The following MRPL2 variants were observed in gnomAD, a reference collection of about 807,000 sequenced individuals.
MRPL2 encodes the protein mitochondrial ribosomal protein L2, also known as large ribosomal subunit protein uL2m.
A neutral mutation model predicts 34.6 loss-of-function variants in MRPL2; 27 were observed. That is an observed-to-expected ratio of 0.78 (90% CI 0.58 to 1.08). MRPL2 has a LOEUF of 1.08. Ranked by LOEUF, MRPL2 falls within the 50% of genes least tolerant of loss-of-function variation. MRPL2 has a pLI of 0.00. For synonymous variants in MRPL2, 155 were observed against 158.0 expected (o/e 0.98, Z 0.14); for missense variants, 414 against 419.3 (o/e 0.99, Z 0.11).
Position 43,056,299 on chromosome 6 carries a change from A to T in MRPL2, c.404+8T>A. The T allele has an allele frequency of 6.2e-7, 1 of 1,614,180 alleles. No individual in the cohort carries two copies. The highest frequency in any genetic ancestry group is 8.5e-7 in the Non-Finnish European group (1 of 1,180,038). On this transcript the variant is annotated splice_region_variant and intron_variant, in intron 3 of 6. Transcript: ENST00000388752. ...CCATTCCATCATCATCCCACATCCC[A>T]AACTTGCCTACAGGGATCATAGCGG...
rs563469143 is a variant in MRPL2 at position 43,056,035 on chromosome 6, G to T, written c.521-28C>A. The T allele has an allele frequency of 1.9e-4, 311 of 1,614,116 alleles. 1 individual carries two copies. Among genetic ancestry groups the T allele is most frequent in the South Asian group, 1.3e-3 (119 of 91,070 alleles). ...AAAAGACAGGATTTCATTAGCTCTAGAACTTTTGCTGCCTCCAGCCCACAC... is the reference window on the plus strand; with the variant it reads ...AAAAGACAGGATTTCATTAGCTCTATAACTTTTGCTGCCTCCAGCCCACAC... On this transcript the variant is annotated intron_variant, in intron 4 of 6. Coordinates refer to ENST00000388752, the MANE Select transcript of MRPL2 (RefSeq NM_015950.5).
chr6:43,057,876 A>C (rs1764929133), intron 2 of MRPL2, 189 bp downstream of exon 2: 2 of 570,022 alleles, frequency 3.5e-6, no homozygotes, highest in African/African-American at 1.9e-5. Flanking sequence ...AGAAGCATAG[A>C]CCAATTACCT....
At chr6:43,059,179 C>G (rs765788327) in intron 1 of MRPL2, 107 bp downstream of exon 1, 42 of 1,550,504 alleles carry the variant, frequency 2.7e-5, no homozygotes, top group Non-Finnish European at 3.7e-5. Context: ...AGGTCACGGA[C>G]CTGCATGACT....
intron 6 of MRPL2, 34 bp from the exon 7 acceptor site, chr6:43,054,520 T>C (rs1005596433): frequency 6.3e-6 from 10 of 1,585,882 alleles, no homozygotes; most frequent in East Asian, 2.2e-5. Context: ...TTCTGTACAA[T>C]GGGGGGGAAA....
At chr6:43,054,676 G>A (rs1390645983) in intron 6 of MRPL2, among the ~76,000 whole-genome samples, 190 bp from the exon 7 acceptor site, 3 of 152,210 alleles carry the variant, frequency 2.0e-5, no homozygotes, top group Admixed American at 1.3e-4. Flanking sequence ...AAGAGCTCAC[G>A]CCAGTAATCC....
chr6:43,054,233 TA>T lies in MRPL2; in HGVS notation c.*40del, dbSNP rs748053477. 44 of 1,240,116 alleles carry T rather than the reference TA, an allele frequency of 3.5e-5. 1 individual carries two copies. The South Asian group carries it at 4.7e-4, about 13-fold the overall frequency. The allele number at this position is 1,240,116 out of a possible 1,614,324, so 76.8% of individuals were successfully genotyped here. On this transcript the variant is annotated 3_prime_UTR_variant, in exon 7 of 7. Transcript: ENST00000388752. ...CCAAAACAAAACCACAGTAACAGAT[TA>T]AAACGGGGGGGGGGGGCATTTTATT...
chr6:43,055,787 A>G (rs1764854817), intron 5 of MRPL2, 110 bp downstream of exon 5: 6 of 1,261,874 alleles, frequency 4.8e-6, no homozygotes, highest in Middle Eastern at 2.2e-4. Context: ...CTTCATCCTC[A>G]TGTTTGTTTT....
intron 1 of MRPL2, 67 bp from the exon 2 acceptor site, chr6:43,058,300 C>T: frequency 6.7e-7 from 1 of 1,493,544 alleles, no homozygotes; most frequent in Non-Finnish European, 9.2e-7. Flanking sequence ...AGAACCAAGG[C>T]AGAGGGCACA....
At chr6:43,059,839 G>A (rs1199560416), upstream of MRPL2, 2 of 1,165,602 alleles carry the variant, frequency 1.7e-6, no homozygotes, top group East Asian at 5.0e-5. Flanking sequence ...CCGCCCCTCG[G>A]CGTCCAGACA....
chr6:43,055,643 C>A, intron 5 of MRPL2, 25 bp from the exon 6 acceptor site: 1 of 1,613,636 alleles, frequency 6.2e-7, no homozygotes, highest in Non-Finnish European at 8.5e-7. Context: ...TGATTTGCCA[C>A]CCTCCACAAA....
chr6:43,059,235 T>A, intron 1 of MRPL2, 51 bp downstream of exon 1: 1 of 1,550,922 alleles, frequency 6.4e-7, no homozygotes, highest in Non-Finnish European at 8.7e-7. Context: ...GCAGACCCCA[T>A]CTCCGGCAGC....
Position 43,054,172 on chromosome 6 carries a change from C to CA in MRPL2, c.*101dup, listed in dbSNP as rs58180132. 86,302 of 621,926 alleles carry CA rather than the reference C, an allele frequency of 0.14. 2,396 individuals are homozygous for CA. The highest frequency in any genetic ancestry group is 0.38 in the African/African-American group (16,736 of 44,252). 38.5% of individuals were successfully genotyped at this position (621,926 alleles called of 1,614,324 possible). ...TTAGTCTGTACCATCCCCTCCCCCG[C>CA]AAAAAAAAAACAACAACAAAAAAAA... On this transcript the variant is annotated 3_prime_UTR_variant, in exon 7 of 7. Coordinates refer to ENST00000388752, the MANE Select transcript of MRPL2 (RefSeq NM_015950.5).
chr6:43,054,237 ACG>A lies in MRPL2; in HGVS notation c.*35_*36del. 2 of 1,225,040 alleles carry A rather than the reference ACG, an allele frequency of 1.6e-6. No individual in the cohort carries two copies. Among genetic ancestry groups the A allele is most frequent in the Middle Eastern group, 2.4e-4 (1 of 4,168 alleles). The allele number at this position is 1,225,040 out of a possible 1,614,324, so 75.9% of individuals were successfully genotyped here. A position where few individuals can be genotyped will look rare whatever the true frequency, so the allele number is the denominator to read the frequency against. ...AACAAAACCACAGTAACAGATTAAA[ACG>A]GGGGGGGGGGGCATTTTATTAGAGT... On this transcript the variant is annotated 3_prime_UTR_variant, in exon 7 of 7. Transcript: ENST00000388752.
Position 43,054,362 on chromosome 6 carries a change from C to A in MRPL2, c.830G>T (p.Arg277Leu), listed in dbSNP as rs1219001742. 6.2e-7 allele frequency: 1 copy of A among 1,614,062 alleles called. No homozygotes were observed. Among genetic ancestry groups the A allele is most frequent in the Non-Finnish European group, 8.5e-7 (1 of 1,180,026 alleles). The change falls in exon 7 of 7, where the codon CGC becomes CTC. Residue 277 changes from arginine (R) to leucine (L), a missense_variant. Arg to Leu is a moderately radical substitution (Grantham distance 102). Coordinates refer to ENST00000388752, the MANE Select transcript of MRPL2 (RefSeq NM_015950.5). ...GKRPNSGRWH[R>L]KGGWAGRKIR... Reference sequence around the variant, plus strand: ...CTTTCGGCCAGCCCAGCCCCCCTTGCGGTGCCACCGCCCACTGTTAGGCCT... The same window carrying A: ...CTTTCGGCCAGCCCAGCCCCCCTTGAGGTGCCACCGCCCACTGTTAGGCCT...
At position 43,059,376 on chromosome 6, in the gene MRPL2, G is replaced by A. The variant is rs1189772629; in HGVS notation, c.6C>T (p.Ala2=). The change falls in exon 1 of 7, where the codon GCC becomes GCT. Residue 2 remains alanine (A), a synonymous_variant. Coordinates refer to ENST00000388752, the MANE Select transcript of MRPL2 (RefSeq NM_015950.5). The part of the protein sequence containing the change: M[A]LCALTRALRS... ...GCAGAGCGCGGGTCAGTGCGCACAG[G>A]GCCATCAGCACGACACCCTTACTTT... 2.6e-6 allele frequency: 4 copies of A among 1,549,022 alleles called. No individual in the cohort carries two copies. Among genetic ancestry groups the A allele is most frequent in the South Asian group, 1.2e-5 (1 of 83,946 alleles).
At position 43,059,229 on chromosome 6, in the gene MRPL2, ACCCC is replaced by A. The variant is rs752224079; in HGVS notation, c.96+53_96+56del. 3.9e-6 allele frequency: 6 copies of A among 1,550,982 alleles called. No homozygotes were observed. The South Asian group carries it at 7.1e-5, about 18-fold the overall frequency. ...CAACTCCCGCCTCGCATGCCCGCAGACCCCATCTCCGGCAGCCCGAATGGAAGCA... is the reference window on the plus strand; with the variant it reads ...CAACTCCCGCCTCGCATGCCCGCAGAATCTCCGGCAGCCCGAATGGAAGCA... On this transcript the variant is annotated intron_variant, in intron 1 of 6. Coordinates refer to ENST00000388752, the MANE Select transcript of MRPL2 (RefSeq NM_015950.5).
intron 2 of MRPL2, among the ~76,000 whole-genome samples, chr6:43,057,177 G>A (rs1303866845): frequency 3.3e-5 from 5 of 151,564 alleles, no homozygotes; most frequent in South Asian, 2.1e-4. Flanking sequence ...ACACCCGGCC[G>A]GTTATAAATA....
intron 1 of MRPL2, chr6:43,059,024 A>T: frequency 3.0e-6 from 3 of 1,000,568 alleles, no homozygotes; most frequent in Non-Finnish European, 4.3e-6. Flanking sequence ...GGCTTATCAT[A>T]GGCACTCGAA....
rs997877836 is a variant in MRPL2, at chr6:43,059,080, T to G, written c.96+206A>C. 2.7e-6 allele frequency: 4 copies of G among 1,483,480 alleles called. No individual in the cohort carries two copies. In the African/African-American group the frequency reaches 5.6e-5, roughly 21 times the overall value. The allele number at this position is 1,483,480 out of a possible 1,614,324, so 91.9% of individuals were successfully genotyped here. ...ACAACCGGTGATCTGCAAAGCACTT[T>G]CACCTTAAGTATCTCGTCTGAAGAA... On this transcript the variant is annotated intron_variant, in intron 1 of 6. Transcript: ENST00000388752.
Sources: allele counts gnomAD v4.1 joint callset (sites outside exome capture counted in the v4.1 genomes callset), GRCh38; gene constraint gnomAD v4.1.1; transcripts MANE v1.5; gene names NCBI Gene and HGNC (gene_info 2026-07-23, HGNC 2026-07-21).